EHD4: variants seen among roughly 807,000 people sequenced by gnomAD.
EHD4 encodes EH domain containing 4, also known as EH domain-containing protein 4.
EHD4 carries 37 observed loss-of-function variants against 51.0 expected under a neutral mutation model. The observed-to-expected ratio is 0.73, with a 90% CI of 0.56 to 0.95. The LOEUF (loss-of-function observed/expected upper bound fraction) is 0.95. Ranked by LOEUF, EHD4 falls within the 40% of genes least tolerant of loss-of-function variation. The pLI, the probability that EHD4 is intolerant of heterozygous loss-of-function variation, is 0.00. For missense variants in EHD4, 632 were observed against 733.1 expected, an observed-to-expected ratio of 0.86 and a Z score of 1.59; for synonymous variants, 297 against 317.3, an observed-to-expected ratio of 0.94 and a Z score of 0.68.
chr15:41,907,972 A>G (rs1455412053), intron 5 of EHD4, among the ~76,000 whole-genome samples: 4 of 151,798 alleles, frequency 2.6e-5, no homozygotes, highest in African/African-American at 9.7e-5. Flanking sequence ...TCCCAGGTTC[A>G]ACAAATTCTC....
At chr15:41,939,247 A>G (rs564500867) in intron 3 of EHD4, among the ~76,000 whole-genome samples, 3 of 152,264 alleles carry the variant, frequency 2.0e-5, no homozygotes, top group Non-Finnish European at 4.4e-5. Flanking sequence ...AAAAGTTTGT[A>G]GGACTTTTAG....
chr15:41,941,464 T>C (rs1386664378), intron 3 of EHD4: 1 of 152,202 alleles, frequency 6.6e-6, no homozygotes, highest in Non-Finnish European at 1.5e-5. Context: ...AATGTGACAG[T>C]GAGTTTTTTT....
At chr15:41,903,715 T>C (rs2067494132) in intron 5 of EHD4, among the ~76,000 whole-genome samples, 1 of 152,072 alleles carries the variant, frequency 6.6e-6, no homozygotes, top group Non-Finnish European at 1.5e-5. Context: ...GGGCTGACAT[T>C]TGGAAGGGGA....
chr15:41,947,700 C>T (rs1232268428), intron 2 of EHD4, among the ~76,000 whole-genome samples: 1 of 152,212 alleles, frequency 6.6e-6, no homozygotes, highest in African/African-American at 2.4e-5. Flanking sequence ...GAACTAGGAA[C>T]TGAATTTCAC....
rs2067744136 is a variant in EHD4, at chr15:41,938,086, G to A, written c.511+4981C>T. Among the ~76,000 whole-genome samples, 11 of 152,284 alleles carry A rather than the reference G, an allele frequency of 7.2e-5. No homozygotes were observed. The South Asian group carries it at 2.3e-3, about 32-fold the overall frequency. On this transcript the variant is annotated intron_variant, in intron 3 of 5. Transcript: ENST00000220325. The stretch of plus-strand genomic sequence containing the variant: ...AATTTTGTGCATGAAACAAAGTTTG[G>A]ATCGTGCCCCGTCACATGAGGTCAG...
At chr15:41,964,111 C>G (rs1375721112) in intron 1 of EHD4, among the ~76,000 whole-genome samples, 1 of 134,666 alleles carries the variant, frequency 7.4e-6, no homozygotes, top group Non-Finnish European at 1.5e-5. Context: ...CGCCACTGCA[C>G]TCCAGCCTGG....
intron 3 of EHD4, among the ~76,000 whole-genome samples, chr15:41,936,927 A>G (rs972822784): frequency 2.0e-5 from 3 of 152,266 alleles, no homozygotes; most frequent in Non-Finnish European, 2.9e-5. Flanking sequence ...AGGACCTCAC[A>G]ACCCAACCTC....
At chr15:41,908,653 G>A (rs1388292716) in intron 5 of EHD4, 3 of 152,182 alleles carry the variant, frequency 2.0e-5, no homozygotes, top group Non-Finnish European at 4.4e-5. Flanking sequence ...AGCCTTCCAG[G>A]TCTGTAGTCC....
At chr15:41,921,299 G>A (rs902657603) in intron 3 of EHD4, 2 of 152,196 alleles carry the variant, frequency 1.3e-5, no homozygotes, top group Non-Finnish European at 2.9e-5. Flanking sequence ...GAAGACAAAG[G>A]CAGTTCTCGG....
intron 1 of EHD4, among the ~76,000 whole-genome samples, chr15:41,964,223 A>G (rs1231368299): frequency 6.6e-6 from 1 of 152,070 alleles, no homozygotes; most frequent in Non-Finnish European, 1.5e-5. Flanking sequence ...GACAATTCAG[A>G]CAATTCACAA....
At chr15:41,967,067 G>T (rs910967990) in intron 1 of EHD4, among the ~76,000 whole-genome samples, 1 of 152,140 alleles carries the variant, frequency 6.6e-6, no homozygotes, top group Admixed American at 6.5e-5. Context: ...AACATGACAG[G>T]TCTAAATCTA....
intron 1 of EHD4, 65 bp from the exon 2 acceptor site, chr15:41,954,005 C>A: frequency 6.5e-7 from 1 of 1,534,230 alleles, no homozygotes; most frequent in Admixed American, 2.1e-5. Flanking sequence ...CAGAAAGCTG[C>A]CTGGGATTAC....
Position 41,972,316 on chromosome 15 carries a change from T to C in EHD4, c.179A>G (p.Asn60Ser), listed in dbSNP as rs750727862. 5.6e-6 allele frequency: 9 copies of C among 1,611,140 alleles called. No individual in the cohort carries two copies. In the South Asian group the frequency reaches 6.6e-5, roughly 12 times the overall value. Residue 60 changes from asparagine to serine, a missense_variant, in exon 1 of 6, where the codon AAC (asparagine) becomes AGC (serine). By Grantham distance (46) the Asn-to-Ser change is conservative. Transcript: ENST00000220325. Reference protein sequence around the residue: ...SPALEDADFENKPMILLVGQY... With the variant: ...SPALEDADFESKPMILLVGQY... ...GCCCACCAGCAGGATCATGGGCTTG[T>C]TCTCGAAGTCGGCGTCCTCCAGCGC...
At chr15:41,958,004 C>G (rs980895354) in intron 1 of EHD4, among the ~76,000 whole-genome samples, 11 of 152,134 alleles carry the variant, frequency 7.2e-5, no homozygotes, top group Non-Finnish European at 1.3e-4. Context: ...ACGGGATAGA[C>G]AGCCTGATCA....
rs189885186 is a variant in EHD4 at position 41,946,599 on chromosome 15, G to A, written c.414-3435C>T. The stretch of plus-strand genomic sequence containing the variant: ...AAATTAGCCGGGCATGGTGGCATGC[G>A]CTTGTAGTCCCAGCTACTCAGGAGC... On this transcript the variant is annotated intron_variant, in intron 2 of 5. Transcript: ENST00000220325. 1.9e-3 allele frequency among the ~76,000 whole-genome samples: 295 copies of A among 152,296 alleles called. 1 individual carries two copies. The highest frequency in any genetic ancestry group is 3.2e-3 in the Non-Finnish European group (215 of 68,034).
At chr15:41,968,927 TAACA>T (rs1261896232) in intron 1 of EHD4, among the ~76,000 whole-genome samples, 2 of 152,232 alleles carry the variant, frequency 1.3e-5, no homozygotes, top group African/African-American at 2.4e-5. Context: ...CCACGCCCAC[TAACA>T]GTCATTCTCT....
intron 1 of EHD4, among the ~76,000 whole-genome samples, chr15:41,954,421 C>T (rs1333188409): frequency 2.0e-5 from 3 of 152,194 alleles, no homozygotes; most frequent in Non-Finnish European, 4.4e-5. Flanking sequence ...GCTCCCCATT[C>T]CTGCAACTAA....
At chr15:41,957,471 G>C (rs1421053731) in intron 1 of EHD4, among the ~76,000 whole-genome samples, 1 of 152,136 alleles carries the variant, frequency 6.6e-6, no homozygotes, top group African/African-American at 2.4e-5. Flanking sequence ...TATATACTCA[G>C]TACTTTAGAA....
At chr15:41,909,932 G>A (rs376214140) in intron 4 of EHD4, 69 bp from the exon 5 acceptor site, 2 of 1,578,604 alleles carry the variant, frequency 1.3e-6, no homozygotes. Context: ...AAACAAGATT[G>A]CATCTTAACT....
Sources: allele counts gnomAD v4.1 joint callset (sites outside exome capture counted in the v4.1 genomes callset), GRCh38; gene constraint gnomAD v4.1.1; transcripts MANE v1.5; gene names NCBI Gene and HGNC (gene_info 2026-07-23, HGNC 2026-07-21).